BMP2K: variants seen among roughly 807,000 people sequenced by gnomAD.
The protein encoded by BMP2K is BMP-2-inducible protein kinase.
BMP2K carries 74 observed loss-of-function variants against 116.0 expected under a neutral mutation model. That is an observed-to-expected ratio of 0.64 (90% confidence interval 0.53 to 0.77). BMP2K has a LOEUF of 0.77. BMP2K is among the 30% of genes least tolerant of loss of function. The pLI is 0.00. For missense variants in BMP2K, 1,365 were observed against 1,403.6 expected (o/e 0.97, Z 0.44); for synonymous variants, 486 against 502.5 (o/e 0.97, Z 0.44).
intron 3 of BMP2K, among the ~76,000 whole-genome samples, chr4:78,835,698 C>G (rs1730445464): frequency 2.6e-5 from 4 of 151,680 alleles, no homozygotes; most frequent in African/African-American, 7.3e-5. Context: ...TGCCTCATCC[C>G]TCTTCTCAGA....
At chr4:78,803,053 TTGGTTAGGC>T (rs1728647827) in intron 1 of BMP2K, among the ~76,000 whole-genome samples, 1 of 152,070 alleles carries the variant, frequency 6.6e-6, no homozygotes, top group Non-Finnish European at 1.5e-5. Context: ...TTTCACCATG[TTGGTTAGGC>T]TGGTCTCGAC....
rs927114762 is a variant in BMP2K, at chr4:78,795,627, G to A, written c.178+18906G>A. Among the ~76,000 whole-genome samples the A allele has an allele frequency of 4.6e-5, 7 of 151,938 alleles. No individual in the cohort carries two copies. In the South Asian group the frequency reaches 8.3e-4, roughly 18 times the overall value. ...ACCTACAAAATGGGAGAAAATTTTC[G>A]CAACCTACTCATCTGACAAAGGGCT... On this transcript the variant is annotated intron_variant, in intron 1 of 15. Coordinates refer to ENST00000502613, the MANE Select transcript of BMP2K (RefSeq NM_198892.2).
At chr4:78,777,478 C>T (rs1404359051) in intron 1 of BMP2K, among the ~76,000 whole-genome samples, 1 of 152,116 alleles carries the variant, frequency 6.6e-6, no homozygotes, top group Non-Finnish European at 1.5e-5. Context: ...TAGAAGTCTA[C>T]TTACAAAAAA....
chr4:78,892,983 A>G (rs753198881), intron 15 of BMP2K, among the ~76,000 whole-genome samples: 4 of 152,166 alleles, frequency 2.6e-5, no homozygotes, highest in Admixed American at 6.5e-5. Flanking sequence ...AAATAAGACA[A>G]TGATTAAGTT....
chr4:78,901,824 T>C (rs747968652), intron 15 of BMP2K, among the ~76,000 whole-genome samples: 7 of 152,330 alleles, frequency 4.6e-5, no homozygotes, highest in Admixed American at 1.3e-4. Context: ...GTAGGCCATA[T>C]TAATTAGGTC....
At chr4:78,819,764 G>GATTC (rs1208555912) in intron 1 of BMP2K, among the ~76,000 whole-genome samples, 1 of 152,026 alleles carries the variant, frequency 6.6e-6, no homozygotes, top group Non-Finnish European at 1.5e-5. Context: ...ATCTTTCATT[G>GATTC]ATTCATTCAT....
At chr4:78,864,341 G>C (rs2110049755) in intron 9 of BMP2K, among the ~76,000 whole-genome samples, 1 of 151,608 alleles carries the variant, frequency 6.6e-6, no homozygotes, top group Middle Eastern at 3.4e-3. Context: ...TTTAATGTCA[G>C]TAAATACTTG....
At position 78,912,669 on chromosome 4, in the gene BMP2K, T is replaced by C. The variant is rs1734712075; in HGVS notation, c.*636T>C. The C allele has an allele frequency of 6.6e-6, 1 of 152,176 alleles. No homozygotes were observed. The highest frequency in any genetic ancestry group is 6.5e-5 in the Admixed American group (1 of 15,274). 9.4% of individuals were successfully genotyped at this position (152,176 alleles called of 1,614,324 possible). On this transcript the variant is annotated 3_prime_UTR_variant, in exon 16 of 16. Coordinates refer to ENST00000502613, the MANE Select transcript of BMP2K (RefSeq NM_198892.2). ...AATATCTAATGATAAGCATATGAAATAATGTGTAATTAGCTCAATTTAACT... is the reference window on the plus strand; with the variant it reads ...AATATCTAATGATAAGCATATGAAACAATGTGTAATTAGCTCAATTTAACT...
rs1175817359 is a variant in BMP2K, at chr4:78,865,645, G to A, written c.1156G>A (p.Val386Met). ...ANSATTATPSVLTIQSSATPV... is the reference protein window; with the variant it reads ...ANSATTATPSMLTIQSSATPV... Reference sequence around the variant, plus strand: ...CTCTGCTACTACTGCCACTCCCAGTGTGCTGACCATTCAAAGTTCAGCAAC... The same window carrying A: ...CTCTGCTACTACTGCCACTCCCAGTATGCTGACCATTCAAAGTTCAGCAAC... The change falls in exon 10 of 16, where the codon GTG becomes ATG. Residue 386 changes from valine to methionine, a missense_variant. This residue lies in a region of BMP2K where 762 missense variants were observed against 756.7 expected (regional missense o/e 1.01). Coordinates refer to ENST00000502613, the MANE Select transcript of BMP2K (RefSeq NM_198892.2). 2.5e-6 allele frequency: 4 copies of A among 1,614,008 alleles called. No homozygotes were observed. Among genetic ancestry groups the A allele is most frequent in the African/African-American group, 2.7e-5 (2 of 74,912 alleles).
intron 1 of BMP2K, among the ~76,000 whole-genome samples, chr4:78,793,739 A>G (rs556687507): frequency 2.8e-4 from 42 of 152,330 alleles, no homozygotes; most frequent in Middle Eastern, 6.8e-3. Flanking sequence ...GCACTTGGAT[A>G]TAAAAGCCTT....
intron 7 of BMP2K, among the ~76,000 whole-genome samples, chr4:78,855,333 T>C: frequency 6.6e-6 from 1 of 152,064 alleles, no homozygotes; most frequent in East Asian, 1.9e-4. Flanking sequence ...AACTTGAAGT[T>C]TGTGGGAGAG....
At chr4:78,798,331 C>G (rs549695176) in intron 1 of BMP2K, among the ~76,000 whole-genome samples, 1 of 152,242 alleles carries the variant, frequency 6.6e-6, no homozygotes, top group South Asian at 2.1e-4. Context: ...AATGGAGATA[C>G]CTGCTGGATG....
In BMP2K at chr4:78,854,017, G is replaced by A. The variant is rs184184478; in HGVS notation, c.883+2961G>A. ...CTTTGGATGCTTTGAAGTGGAATTT[G>A]GTTTTATGGGTTAATGGTGGATCTA... On this transcript the variant is annotated intron_variant, in intron 7 of 15. Transcript: ENST00000502613. 2.6e-3 allele frequency among the ~76,000 whole-genome samples: 394 copies of A among 151,968 alleles called. 1 individual carries two copies. Among genetic ancestry groups the A allele is most frequent in the Non-Finnish European group, 4.4e-3 (302 of 67,936 alleles).
At chr4:78,846,143 GT>G (rs1405884131) in intron 5 of BMP2K, among the ~76,000 whole-genome samples, 3 of 151,608 alleles carry the variant, frequency 2.0e-5, no homozygotes, top group Non-Finnish European at 4.4e-5. Flanking sequence ...GCCTTTTGAA[GT>G]ATAAGGTTCA....
At chr4:78,783,135 A>T (rs1368395084) in intron 1 of BMP2K, among the ~76,000 whole-genome samples, 4 of 152,214 alleles carry the variant, frequency 2.6e-5, no homozygotes, top group Admixed American at 2.0e-4. Flanking sequence ...AATAAGTATC[A>T]CATTTGTGTT....
chr4:78,794,356 G>A (rs1181334634), intron 1 of BMP2K, among the ~76,000 whole-genome samples: 3 of 151,996 alleles, frequency 2.0e-5, no homozygotes, highest in Admixed American at 1.3e-4. Flanking sequence ...AACTGTAAAC[G>A]GACCCGAGAA....
intron 5 of BMP2K, among the ~76,000 whole-genome samples, chr4:78,845,327 G>A (rs1046121272): frequency 4.9e-4 from 74 of 151,666 alleles, no homozygotes; most frequent in Admixed American, 1.5e-3. Context: ...AGTTTGAAAT[G>A]ATTATTGAAT....
intron 1 of BMP2K, among the ~76,000 whole-genome samples, chr4:78,808,071 TC>T (rs1290403002): frequency 2.0e-5 from 3 of 152,038 alleles, no homozygotes; most frequent in African/African-American, 7.2e-5. Flanking sequence ...TATTTTTTTT[TC>T]GAGATGGAGT....
chr4:78,850,030 T>A (rs1731173186), intron 6 of BMP2K, among the ~76,000 whole-genome samples: 1 of 151,746 alleles, frequency 6.6e-6, no homozygotes, highest in African/African-American at 2.4e-5. Flanking sequence ...CTGATATAAG[T>A]GTATACTAAC....
Sources: allele counts gnomAD v4.1 joint callset (sites outside exome capture counted in the v4.1 genomes callset), GRCh38; gene constraint gnomAD v4.1.1; regional missense constraint gnomAD v4.1.1; transcripts MANE v1.5; gene names NCBI Gene and HGNC (gene_info 2026-07-23, HGNC 2026-07-21).